Variants in KALRN observed in about 807,000 individuals in gnomAD.
KALRN encodes the protein kalirin RhoGEF kinase.
A neutral mutation model predicts 353.7 loss-of-function variants in KALRN; 70 were observed. The ratio of observed to expected loss-of-function variants is 0.20; its 90% CI spans 0.16 to 0.24. The LOEUF (loss-of-function observed/expected upper bound fraction) is 0.24, where lower values mean the gene tolerates loss of function less well. KALRN is among the 10% of genes least tolerant of loss of function. The probability of loss-of-function intolerance (pLI) is 1.00; values close to 1 mark genes in which losing one functional copy is unlikely to be tolerated. For missense variants in KALRN, 2,791 were observed against 3,756.7 expected (o/e 0.74, Z 6.72); for synonymous variants, 1,391 against 1,434.8 (o/e 0.97, Z 0.69).
chr3:124,702,318 C>T (rs1277077284), intron 57 of KALRN, among the ~76,000 whole-genome samples: 1 of 152,154 alleles, frequency 6.6e-6, no homozygotes, highest in Admixed American at 6.5e-5. Flanking sequence ...CATCAGTTGT[C>T]AACCTTTCTT....
At chr3:124,129,559 T>C (rs2065054521) in intron 1 of KALRN, among the ~76,000 whole-genome samples, 1 of 152,200 alleles carries the variant, frequency 6.6e-6, no homozygotes, top group Non-Finnish European at 1.5e-5. Context: ...GATGCTCTAC[T>C]TCAATCTCCT....
intron 1 of KALRN, among the ~76,000 whole-genome samples, chr3:124,049,756 C>CA (rs1312529547): frequency 6.6e-6 from 1 of 152,208 alleles, no homozygotes; most frequent in African/African-American, 2.4e-5. Flanking sequence ...AGTAGCTCAT[C>CA]TAACTGCCCA....
At chr3:124,055,961 C>T (rs572575067) in intron 1 of KALRN, among the ~76,000 whole-genome samples, 7 of 152,284 alleles carry the variant, frequency 4.6e-5, no homozygotes, top group South Asian at 2.1e-4. Context: ...CTTTGTTCTC[C>T]GGGAGTTTTC....
intron 1 of KALRN, among the ~76,000 whole-genome samples, chr3:124,219,648 C>T (rs908568989): frequency 2.6e-5 from 4 of 152,110 alleles, no homozygotes; most frequent in African/African-American, 9.7e-5. Flanking sequence ...TTAGAAATCC[C>T]ATGGTCAAGG....
At chr3:124,281,259 A>T (rs1035092467) in intron 5 of KALRN, among the ~76,000 whole-genome samples, 2 of 152,150 alleles carry the variant, frequency 1.3e-5, no homozygotes, top group African/African-American at 4.8e-5. Flanking sequence ...ACAACTGCTG[A>T]TGTGGTGAGA....
chr3:124,716,536 C>T (rs1022615594), intron 58 of KALRN, among the ~76,000 whole-genome samples: 1 of 151,964 alleles, frequency 6.6e-6, no homozygotes, highest in African/African-American at 2.4e-5. Context: ...ACAAAACAAA[C>T]AAACAACAAC....
In KALRN at chr3:124,334,422, G is replaced by C; in HGVS notation, c.1574G>C (p.Ser525Thr). The part of the protein sequence containing the change: ...EVLHHQRRLE[S>T]IWQHRKVRLH... The stretch of plus-strand genomic sequence containing the variant: ...TTACATCACCAGCGACGGCTGGAGA[G>C]CATCTGGCAGCACCGCAAGGTGCGG... Residue 525 changes from serine (S) to threonine (T), a missense_variant, in exon 9 of 60, where the codon AGC becomes ACC. Ser to Thr is a moderately conservative substitution (Grantham distance 58, BLOSUM62 1). Coordinates refer to ENST00000682506, the MANE Select transcript of KALRN (RefSeq NM_001388419.1). The surrounding 1 kb of genome is among the most constrained non-coding windows in gnomAD (Gnocchi z 4.2). 3 of 1,614,218 alleles carry C rather than the reference G, an allele frequency of 1.9e-6. No homozygotes were observed. The highest frequency in any genetic ancestry group is 2.5e-6 in the Non-Finnish European group (3 of 1,180,030).
chr3:124,577,629 G>C (rs2074244717), intron 34 of KALRN, among the ~76,000 whole-genome samples: 1 of 152,192 alleles, frequency 6.6e-6, no homozygotes, highest in Admixed American at 6.5e-5. Context: ...GGTCATGCCT[G>C]TAGTCTCAGC....
intron 1 of KALRN, among the ~76,000 whole-genome samples, chr3:124,182,997 T>G (rs566057214): frequency 6.6e-6 from 1 of 152,344 alleles, no homozygotes; most frequent in African/African-American, 2.4e-5. Context: ...TGAACTGAAT[T>G]GTGCCCTTCC....
chr3:124,192,186 C>T (rs2074988816), intron 1 of KALRN, among the ~76,000 whole-genome samples: 1 of 152,158 alleles, frequency 6.6e-6, no homozygotes. Context: ...AGAGTGAGCC[C>T]TAATCTGATA....
At chr3:124,574,037 T>G (rs2246776) in intron 34 of KALRN, among the ~76,000 whole-genome samples, 46,449 of 151,718 alleles carry the variant, frequency 0.31, 7,246 homozygotes, top group East Asian at 0.38. Context: ...GAGTGTTGGG[T>G]GTATATGAGG....
At chr3:124,124,135 A>G (rs2064351479) in intron 1 of KALRN, among the ~76,000 whole-genome samples, 1 of 152,200 alleles carries the variant, frequency 6.6e-6, no homozygotes, top group South Asian at 2.1e-4. Flanking sequence ...TGAAAACCTG[A>G]GAAGGATTCA....
intron 3 of KALRN, among the ~76,000 whole-genome samples, chr3:124,252,454 C>T (rs1232767399): frequency 1.3e-5 from 2 of 152,168 alleles, no homozygotes; most frequent in Non-Finnish European, 2.9e-5. Context: ...GGCAAGATAG[C>T]ATGGCAGTTT....
At chr3:124,577,961 A>G (rs998634567) in intron 34 of KALRN, among the ~76,000 whole-genome samples, 5 of 152,188 alleles carry the variant, frequency 3.3e-5, no homozygotes, top group African/African-American at 1.2e-4. Flanking sequence ...TCCTCTCTCT[A>G]ATTGAAGTGT....
At chr3:124,130,490 A>G (rs766978009) in intron 1 of KALRN, among the ~76,000 whole-genome samples, 6 of 152,326 alleles carry the variant, frequency 3.9e-5, no homozygotes, top group African/African-American at 1.2e-4. Context: ...TACCAATAAT[A>G]TCAAGTTTTG....
At chr3:124,618,733 A>G (rs893587204) in intron 34 of KALRN, among the ~76,000 whole-genome samples, 10 of 152,272 alleles carry the variant, frequency 6.6e-5, no homozygotes, top group South Asian at 2.1e-4. Context: ...CCTGCCAGAT[A>G]TGGAGCTTGG....
At chr3:124,173,040 G>T (rs1309285834) in intron 1 of KALRN, among the ~76,000 whole-genome samples, 1 of 152,066 alleles carries the variant, frequency 6.6e-6, no homozygotes, top group Non-Finnish European at 1.5e-5. Flanking sequence ...CTGGCCTAAG[G>T]TCACACAACT....
chr3:124,076,783 C>T (rs944183642), intron 1 of KALRN, among the ~76,000 whole-genome samples: 1 of 152,308 alleles, frequency 6.6e-6, no homozygotes, highest in East Asian at 1.9e-4. Context: ...AGGGTGGTGT[C>T]CCAGCAGCCA....
At chr3:124,358,445 G>A (rs892219606) in intron 10 of KALRN, among the ~76,000 whole-genome samples, 1 of 152,090 alleles carries the variant, frequency 6.6e-6, no homozygotes, top group African/African-American at 2.4e-5. Context: ...TTTCCAAAGA[G>A]ATCCGAAAGG....
Sources: gnomAD v4.1 joint callset for allele counts (sites outside exome capture counted in the v4.1 genomes callset) on GRCh38, gnomAD v4.1.1 for gene constraint, Gnocchi (gnomAD v3.1) non-coding constraint, MANE v1.5 for transcripts, NCBI Gene and HGNC (gene_info 2026-07-23, HGNC 2026-07-21) for gene names.